The following SAMD5 variants were observed in gnomAD, a reference collection of about 807,000 sequenced individuals.
SAMD5 encodes the protein sterile alpha motif domain containing 5, also known as sterile alpha motif domain-containing protein 5.
In SAMD5, 13 loss-of-function variants were observed where a neutral mutation model predicts 11.3. The ratio of observed to expected loss-of-function variants is 1.15; its 90% CI spans 0.75 to 1.83. The LOEUF (loss-of-function observed/expected upper bound fraction) is 1.83. SAMD5 is among the 40% of genes most tolerant of loss of function. The pLI is 0.00. For synonymous variants in SAMD5, 129 were observed against 111.3 expected (o/e 1.16, Z -1.00); for missense variants, 255 against 239.1 (o/e 1.07, Z -0.44).
the SAMD5 span, among the ~76,000 whole-genome samples, chr6:147,918,987 G>T: frequency 6.6e-6 from 1 of 152,254 alleles, no homozygotes; most frequent in East Asian, 1.9e-4. Flanking sequence ...TTACAGGCAT[G>T]AGTCACAAGA....
intron 1 of SAMD5, among the ~76,000 whole-genome samples, chr6:147,727,726 A>C (rs1791648733): frequency 6.6e-6 from 1 of 152,116 alleles, no homozygotes; most frequent in Non-Finnish European, 1.5e-5. Context: ...AGGTGAAAAC[A>C]ACAATTATCC....
chr6:147,668,552 AGTT>A (rs1190990740), intron 1 of SAMD5, among the ~76,000 whole-genome samples: 1 of 152,192 alleles, frequency 6.6e-6, no homozygotes, highest in East Asian at 1.9e-4. Context: ...TGCATGTAAA[AGTT>A]ATGTTTGGCT....
the SAMD5 span, among the ~76,000 whole-genome samples, chr6:147,847,778 G>C: frequency 6.6e-6 from 1 of 152,148 alleles, no homozygotes; most frequent in Admixed American, 6.5e-5. Context: ...GCTTGAACCT[G>C]GGAGATAGAG....
intron 1 of SAMD5, among the ~76,000 whole-genome samples, chr6:147,540,809 T>A (rs1475979963): frequency 6.6e-6 from 1 of 151,870 alleles, no homozygotes; most frequent in African/African-American, 2.4e-5. Context: ...CTGGTAGGAA[T>A]TTCTTACCCT....
At chr6:147,780,667 G>A in the SAMD5 span, among the ~76,000 whole-genome samples, 13 of 152,214 alleles carry the variant, frequency 8.5e-5, no homozygotes, top group South Asian at 4.1e-4. Context: ...GAAATCTTAC[G>A]TTCAGATAGG....
the SAMD5 span, among the ~76,000 whole-genome samples, chr6:147,928,793 G>A: frequency 2.0e-5 from 3 of 152,058 alleles, no homozygotes; most frequent in Non-Finnish European, 2.9e-5. Context: ...TTTGATGTGG[G>A]CATTTAGTGC....
chr6:147,899,317 G>A, the SAMD5 span, among the ~76,000 whole-genome samples: 1 of 152,060 alleles, frequency 6.6e-6, no homozygotes. Flanking sequence ...ATACATAGGA[G>A]TTGTGAGGCT....
chr6:147,789,283 A>ACG, the SAMD5 span, among the ~76,000 whole-genome samples: 1 of 84,836 alleles, frequency 1.2e-5, no homozygotes, highest in Non-Finnish European at 2.3e-5. Context: ...AGAAAAACAC[A>ACG]CACACACACA....
At chr6:147,853,667 A>T in the SAMD5 span, among the ~76,000 whole-genome samples, 39 of 152,018 alleles carry the variant, frequency 2.6e-4, no homozygotes, top group Non-Finnish European at 5.0e-4. Flanking sequence ...GTTTCCTTCC[A>T]AAAGCTTCAT....
the SAMD5 span, among the ~76,000 whole-genome samples, chr6:147,918,353 G>C: frequency 5.9e-5 from 9 of 152,086 alleles, no homozygotes; most frequent in African/African-American, 2.2e-4. Flanking sequence ...CTCATTGTTT[G>C]GCTCTGTGTT....
chr6:147,842,756 A>T, the SAMD5 span, among the ~76,000 whole-genome samples: 2 of 152,248 alleles, frequency 1.3e-5, no homozygotes, highest in Admixed American at 6.5e-5. Context: ...ACACATTTTC[A>T]TGAAATCTTA....
At chr6:147,650,341 C>A (rs763110230) in intron 1 of SAMD5, among the ~76,000 whole-genome samples, 8 of 151,954 alleles carry the variant, frequency 5.3e-5, no homozygotes, top group Non-Finnish European at 1.2e-4. Context: ...GTTAGGGTGG[C>A]AAAGGAGGGG....
chr6:147,564,697 A>G lies in SAMD5; in HGVS notation c.*241A>G. 8.2e-7 allele frequency: 1 copy of G among 1,223,584 alleles called. No homozygotes were observed. The highest frequency in any genetic ancestry group is 1.0e-6 in the Non-Finnish European group (1 of 976,674). The allele number at this position is 1,223,584 out of a possible 1,614,324, so 75.8% of individuals were successfully genotyped here. A position where few individuals can be genotyped will look rare whatever the true frequency, so the allele number is the denominator to read the frequency against. On this transcript the variant is annotated 3_prime_UTR_variant, in exon 2 of 2. Transcript: ENST00000367474. ...AAAGAAGTATTGAGTTCATTTTTTT[A>G]AGAAGATATCATGATGAGATACAGT...
At chr6:147,740,766 A>C (rs887190717), downstream of SAMD5, among the ~76,000 whole-genome samples, 3 of 152,240 alleles carry the variant, frequency 2.0e-5, no homozygotes, top group Admixed American at 2.0e-4. Flanking sequence ...ATATATAAAT[A>C]AGTAAACAAG....
At chr6:147,937,457 G>C in the SAMD5 span, among the ~76,000 whole-genome samples, 1 of 152,200 alleles carries the variant, frequency 6.6e-6, no homozygotes, top group Non-Finnish European at 1.5e-5. Context: ...AACTTAGATA[G>C]GGACTCTCTT....
At chr6:147,881,392 G>A in the SAMD5 span, among the ~76,000 whole-genome samples, 1 of 152,140 alleles carries the variant, frequency 6.6e-6, no homozygotes, top group African/African-American at 2.4e-5. Flanking sequence ...GTTCCCCGCG[G>A]CAGAGGTGGA....
the SAMD5 span, among the ~76,000 whole-genome samples, chr6:147,778,464 C>T: frequency 2.0e-5 from 3 of 152,150 alleles, no homozygotes; most frequent in Non-Finnish European, 4.4e-5. Flanking sequence ...CATCCCTTGC[C>T]CACCATGAAC....
rs1256810727 is a variant in SAMD5, at chr6:147,536,463, T to C, written c.459+27076T>C. ...TGCAAATAGCTTTAAAGAAATAAGT[T>C]TTTTTGACTTAGAAAACAAAAGGTT... On this transcript the variant is annotated intron_variant, in intron 1 of 1. Transcript: ENST00000367474. Among the ~76,000 whole-genome samples, 23 of 152,318 alleles carry C rather than the reference T, an allele frequency of 1.5e-4. No individual in the cohort carries two copies. The East Asian group carries it at 4.0e-3, about 27-fold the overall frequency.
In SAMD5 at chr6:147,567,062, A is replaced by C. The variant is rs1285021358; in HGVS notation, c.*2606A>C. 5 of 965,182 alleles carry C rather than the reference A, an allele frequency of 5.2e-6. No homozygotes were observed. The highest frequency in any genetic ancestry group is 6.2e-6 in the Non-Finnish European group (5 of 811,644). The allele number at this position is 965,182 out of a possible 1,614,324, so 59.8% of individuals were successfully genotyped here. On this transcript the variant is annotated 3_prime_UTR_variant, in exon 2 of 2. Coordinates refer to ENST00000367474, the MANE Select transcript of SAMD5 (RefSeq NM_001030060.3). ...GAGTATTAAAAGAGATTAATTACAG[A>C]CTTTCACTTGATAATATTGAGGAGT...
Sources: gnomAD v4.1 joint callset for allele counts (sites outside exome capture counted in the v4.1 genomes callset) on GRCh38, gnomAD v4.1.1 for gene constraint, MANE v1.5 for transcripts, NCBI Gene and HGNC (gene_info 2026-07-23, HGNC 2026-07-21) for gene names.